Variants in TRIM24 observed in about 807,000 individuals in gnomAD.
TRIM24 encodes tripartite motif containing 24, also known as transcription intermediary factor 1-alpha.
A neutral mutation model predicts 123.9 loss-of-function variants in TRIM24; 29 were observed. The ratio of observed to expected loss-of-function variants is 0.23; its 90% CI spans 0.17 to 0.32. The LOEUF is 0.32. Among genes scored for constraint, TRIM24 ranks in the 10% least tolerant of loss-of-function variants. The probability of loss-of-function intolerance (pLI) is 1.00; values close to 1 mark genes in which losing one functional copy is unlikely to be tolerated. For synonymous variants in TRIM24, 456 were observed against 461.1 expected (o/e 0.99, Z 0.14); for missense variants, 932 against 1,295.3 (o/e 0.72, Z 4.31).
At chr7:138,482,928 GT>G (rs1269648081) in intron 1 of TRIM24, among the ~76,000 whole-genome samples, 2 of 151,458 alleles carry the variant, frequency 1.3e-5, no homozygotes, top group African/African-American at 2.4e-5. Context: ...ATTTGTTTTT[GT>G]TTTTTTGAGC....
intron 8 of TRIM24, among the ~76,000 whole-genome samples, chr7:138,552,920 C>A (rs1044904136): frequency 2.0e-5 from 3 of 152,116 alleles, no homozygotes; most frequent in Non-Finnish European, 2.9e-5. Context: ...AACTCTGAAC[C>A]CATCACAAGA....
chr7:138,572,104 C>CAAGTT (rs1356488073), intron 11 of TRIM24, among the ~76,000 whole-genome samples: 3 of 152,106 alleles, frequency 2.0e-5, no homozygotes, highest in Non-Finnish European at 4.4e-5. Context: ...ATTTGTTTTT[C>CAAGTT]AAGTTGAGAT....
At chr7:138,487,866 G>A (rs1037979115) in intron 1 of TRIM24, among the ~76,000 whole-genome samples, 34 of 152,182 alleles carry the variant, frequency 2.2e-4, no homozygotes, top group Admixed American at 2.6e-4. Context: ...CATAAAATGA[G>A]ATAGGGAGGA....
chr7:138,550,967 G>A (rs1797198215), intron 7 of TRIM24, 96 bp from the exon 8 acceptor site: 5 of 916,788 alleles, frequency 5.5e-6, no homozygotes, highest in East Asian at 2.5e-5. Context: ...TGTTTATTGT[G>A]TATTGATGTA....
intron 1 of TRIM24, among the ~76,000 whole-genome samples, chr7:138,500,319 GGAGGCT>G (rs1351901619): frequency 2.6e-5 from 4 of 152,072 alleles, no homozygotes; most frequent in Middle Eastern, 3.2e-3. Context: ...CAGCACTCTG[GGAGGCT>G]GAGACAGGCG....
chr7:138,522,944 A>C lies in TRIM24; in HGVS notation c.765-2297A>C, dbSNP rs144746288. ...ATCAAGCCTTGAGGTTTTTCTTTTT[A>C]ATAACTGAAGCCATATTTGGAGGAC... On this transcript the variant is annotated intron_variant, in intron 4 of 18. Coordinates refer to ENST00000343526, the MANE Select transcript of TRIM24 (RefSeq NM_015905.3). Among the ~76,000 whole-genome samples the C allele has an allele frequency of 2.6e-5, 4 of 152,336 alleles. No individual in the cohort carries two copies. In the East Asian group the frequency reaches 7.7e-4, roughly 29 times the overall value.
At position 138,504,426 on chromosome 7, in the gene TRIM24, T is replaced by C. The variant is rs1479971364; in HGVS notation, c.483+18T>C. Reference sequence around the variant, plus strand: ...CAAATCAGGTAAGTGTATTACATCTTGAACCTTTTGCCTGCCAGCTCTTTT... The same window carrying C: ...CAAATCAGGTAAGTGTATTACATCTCGAACCTTTTGCCTGCCAGCTCTTTT... On this transcript the variant is annotated intron_variant, in intron 2 of 18. Transcript: ENST00000343526. 8.0e-7 allele frequency: 1 copy of C among 1,255,286 alleles called. No homozygotes were observed. The highest frequency in any genetic ancestry group is 1.1e-6 in the Non-Finnish European group (1 of 925,192). The allele number at this position is 1,255,286 out of a possible 1,614,324, so 77.8% of individuals were successfully genotyped here.
At chr7:138,570,215 G>A (rs988575503) in intron 10 of TRIM24, among the ~76,000 whole-genome samples, 1 of 152,116 alleles carries the variant, frequency 6.6e-6, no homozygotes, top group East Asian at 1.9e-4. Context: ...CCAAAGTGCT[G>A]CGATTACAGG....
intron 16 of TRIM24, among the ~76,000 whole-genome samples, chr7:138,581,232 G>A (rs1028852901): frequency 1.3e-5 from 2 of 152,152 alleles, no homozygotes; most frequent in Non-Finnish European, 2.9e-5. Context: ...GAGGGGACGT[G>A]CCCATTCACT....
At chr7:138,529,256 TATTG>T (rs761269351) in intron 6 of TRIM24, 26 bp downstream of exon 6, 2 of 1,187,660 alleles carry the variant, frequency 1.7e-6, no homozygotes, top group Non-Finnish European at 2.3e-6. Flanking sequence ...TGGGATAGTA[TATTG>T]ATTCAACATA....
intron 7 of TRIM24, among the ~76,000 whole-genome samples, chr7:138,544,575 T>G (rs1563054642): frequency 6.6e-6 from 1 of 152,212 alleles, no homozygotes; most frequent in Non-Finnish European, 1.5e-5. Flanking sequence ...TTTAATTATT[T>G]GAAGAACCTC....
intron 9 of TRIM24, among the ~76,000 whole-genome samples, chr7:138,561,621 A>G (rs1797429802): frequency 6.6e-6 from 1 of 152,192 alleles, no homozygotes; most frequent in South Asian, 2.1e-4. Context: ...TGAGGCACAG[A>G]GGCCATCCTA....
intron 6 of TRIM24, 34 bp downstream of exon 6, chr7:138,529,264 C>A: frequency 9.1e-7 from 1 of 1,093,526 alleles, no homozygotes; most frequent in South Asian, 1.8e-5. Context: ...TATATTGATT[C>A]AACATAGTAT....
intron 1 of TRIM24, chr7:138,461,135 C>T (rs928861412): frequency 1.5e-6 from 1 of 658,878 alleles, no homozygotes; most frequent in Non-Finnish European, 2.8e-6. Flanking sequence ...GACTTGACCG[C>T]GCCGCCGCCG....
At chr7:138,473,175 G>C (rs1216209186) in intron 1 of TRIM24, among the ~76,000 whole-genome samples, 3 of 152,192 alleles carry the variant, frequency 2.0e-5, no homozygotes, top group African/African-American at 7.2e-5. Flanking sequence ...AGCTACTCGG[G>C]AGGCTGAGGC....
At chr7:138,579,639 G>GGAATTTCA in intron 15 of TRIM24, 107 bp downstream of exon 15, 1 of 881,426 alleles carries the variant, frequency 1.1e-6, no homozygotes, top group Non-Finnish European at 1.7e-6. Context: ...TGGCACAAGT[G>GGAATTTCA]TATACTCCAA....
At chr7:138,529,655 C>T (rs1168627958) in intron 6 of TRIM24, among the ~76,000 whole-genome samples, 1 of 152,174 alleles carries the variant, frequency 6.6e-6, no homozygotes, top group African/African-American at 2.4e-5. Flanking sequence ...ATGGCTAGCC[C>T]TGCCCTCAAC....
chr7:138,528,603 T>C (rs575079020), intron 5 of TRIM24, among the ~76,000 whole-genome samples: 183 of 152,210 alleles, frequency 1.2e-3, no homozygotes, highest in African/African-American at 4.3e-3. Context: ...TTGCAAAGAA[T>C]GGGTTAAGTA....
chr7:138,573,916 A>G (rs728092), intron 12 of TRIM24, among the ~76,000 whole-genome samples: 52 of 152,120 alleles, frequency 3.4e-4, no homozygotes, highest in Middle Eastern at 3.4e-3. Flanking sequence ...CTCCCACCTC[A>G]GCCTCCTGAG....
Sources: gnomAD v4.1 joint callset for allele counts (sites outside exome capture counted in the v4.1 genomes callset) on GRCh38, gnomAD v4.1.1 for gene constraint, MANE v1.5 for transcripts, NCBI Gene and HGNC (gene_info 2026-07-23, HGNC 2026-07-21) for gene names.